KLHDC8A: variants seen among roughly 807,000 people sequenced by gnomAD.
The protein encoded by KLHDC8A is kelch domain-containing protein 8A.
Under a neutral mutation model 33.1 loss-of-function variants are expected in KLHDC8A, and 21 were observed. The ratio of observed to expected loss-of-function variants is 0.64; its 90% CI spans 0.45 to 0.91. The LOEUF is 0.91. KLHDC8A is among the 40% of genes least tolerant of loss of function. The pLI, the probability that KLHDC8A is intolerant of heterozygous loss-of-function variation, is 0.00. For missense variants in KLHDC8A, 435 were observed against 483.3 expected (o/e 0.90, Z 0.94); for synonymous variants, 173 against 193.5 (o/e 0.89, Z 0.88).
intron 5 of KLHDC8A, among the ~76,000 whole-genome samples, chr1:205,338,082 T>G (rs1662683801): frequency 6.6e-6 from 1 of 152,180 alleles, no homozygotes; most frequent in Non-Finnish European, 1.5e-5. Context: ...AAACCCAAGA[T>G]TCATCTGTTG....
At chr1:205,356,164 A>T (rs987718551) in intron 1 of KLHDC8A, among the ~76,000 whole-genome samples, 1 of 135,328 alleles carries the variant, frequency 7.4e-6, no homozygotes, top group African/African-American at 2.8e-5. Flanking sequence ...TTTACCTCCC[A>T]CGTTTGTAAG....
In KLHDC8A at chr1:205,343,773, C is replaced by G. The variant is rs921207158; in HGVS notation, c.-169G>C. The G allele has an allele frequency of 5.4e-6, 4 of 738,848 alleles. No individual in the cohort carries two copies. Among genetic ancestry groups the G allele is most frequent in the Non-Finnish European group, 6.2e-6 (3 of 480,776 alleles). The allele number at this position is 738,848 out of a possible 1,614,324, so 45.8% of individuals were successfully genotyped here. A position where few individuals can be genotyped will look rare whatever the true frequency, so the allele number is the denominator to read the frequency against. ...CACCGTGCCCCGAGTCTCAGCGGTC[C>G]GGCGGCGTCCACGCCTGGCCCTGCG... On this transcript the variant is annotated 5_prime_UTR_variant, in exon 2 of 6. Coordinates refer to ENST00000367155, the MANE Select transcript of KLHDC8A (RefSeq NM_018203.3).
At chr1:205,338,425 A>G (rs1662693626) in intron 5 of KLHDC8A, 70 bp downstream of exon 5, 3 of 1,248,460 alleles carry the variant, frequency 2.4e-6, no homozygotes, top group African/African-American at 1.5e-5. Flanking sequence ...TTTCCTGCAT[A>G]TGCAAAGTGC....
chr1:205,356,428 C>T, intron 1 of KLHDC8A, 105 bp downstream of exon 1: 1 of 426,788 alleles, frequency 2.3e-6, no homozygotes, highest in Non-Finnish European at 4.8e-6. Flanking sequence ...AGCCTGTCTA[C>T]CTGGGCAGCC....
chr1:205,348,228 T>C (rs1161201966), intron 1 of KLHDC8A: 1 of 152,222 alleles, frequency 6.6e-6, no homozygotes, highest in Admixed American at 6.5e-5. Flanking sequence ...AGATTCTCAG[T>C]GTGGCAGGCC....
chr1:205,349,795 T>C (rs1363754774), intron 1 of KLHDC8A, among the ~76,000 whole-genome samples: 1 of 152,120 alleles, frequency 6.6e-6, no homozygotes, highest in Non-Finnish European at 1.5e-5. Flanking sequence ...CGGGCCATAC[T>C]AGAAAAACAC....
chr1:205,348,816 G>A (rs1179134877), intron 1 of KLHDC8A, among the ~76,000 whole-genome samples: 1 of 152,148 alleles, frequency 6.6e-6, no homozygotes, highest in Non-Finnish European at 1.5e-5. Context: ...CCCTCCTGTA[G>A]CCAATCACTT....
chr1:205,343,103 T>G, intron 2 of KLHDC8A, 126 bp downstream of exon 2: 1 of 1,347,502 alleles, frequency 7.4e-7, no homozygotes, highest in Non-Finnish European at 1.0e-6. Context: ...GCTGAACGCA[T>G]GGGGTCTGCA....
chr1:205,343,839 C>T lies in KLHDC8A; in HGVS notation c.-189-46G>A, dbSNP rs978558165. On this transcript the variant is annotated intron_variant, in intron 1 of 5. Transcript: ENST00000367155. ...ATCAAGGGCAGCTGGGGCCACGCGC[C>T]CTCCGGCGGGCAGCGGATGGGCTCC... 2.8e-5 allele frequency: 14 copies of T among 508,780 alleles called. 1 individual carries two copies. Among genetic ancestry groups the T allele is most frequent in the South Asian group, 2.1e-4 (7 of 33,690 alleles). The allele number at this position is 508,780 out of a possible 1,614,324, so 31.5% of individuals were successfully genotyped here.
At chr1:205,351,655 A>C (rs1027862127) in intron 1 of KLHDC8A, among the ~76,000 whole-genome samples, 8 of 150,600 alleles carry the variant, frequency 5.3e-5, no homozygotes, top group African/African-American at 1.9e-4. Context: ...GTAGTGGCTC[A>C]TGCCTGTAAT....
chr1:205,344,928 G>T (rs1345107294), intron 1 of KLHDC8A, among the ~76,000 whole-genome samples: 2 of 151,984 alleles, frequency 1.3e-5, no homozygotes, highest in Admixed American at 6.6e-5. Context: ...ACCCACCACC[G>T]CCACCATCAC....
intron 4 of KLHDC8A, 70 bp from the exon 5 acceptor site, chr1:205,338,666 T>C (rs772933238): frequency 3.9e-5 from 50 of 1,277,372 alleles, no homozygotes; most frequent in Admixed American, 1.2e-4. Flanking sequence ...CAAATGCAGA[T>C]TGTGGCCCAA....
At chr1:205,342,710 G>A (rs2102284323) in intron 2 of KLHDC8A, among the ~76,000 whole-genome samples, 1 of 152,328 alleles carries the variant, frequency 6.6e-6, no homozygotes. Context: ...TAGCAAAAGA[G>A]CTTTCGGAGC....
chr1:205,348,541 T>A (rs1481437514), intron 1 of KLHDC8A: 1 of 152,204 alleles, frequency 6.6e-6, no homozygotes. Flanking sequence ...ACCTCCTAGC[T>A]GTGTGATTAT....
At chr1:205,345,593 T>A (rs1314781474) in intron 1 of KLHDC8A, among the ~76,000 whole-genome samples, 2 of 150,778 alleles carry the variant, frequency 1.3e-5, no homozygotes, top group Non-Finnish European at 3.0e-5. Flanking sequence ...CAAAAAAAAT[T>A]AGCCAGGCAT....
rs146745758 is a variant in KLHDC8A, at chr1:205,353,226, T to G, written c.-190+3307A>C. Among the ~76,000 whole-genome samples, 1,381 of 152,266 alleles carry G rather than the reference T, an allele frequency of 9.1e-3. 23 individuals are homozygous for G. The highest frequency in any genetic ancestry group is 0.032 in the African/African-American group (1,317 of 41,550). ...TGAAATCTAAGAACAATTTTTACAT[T>G]TTTAAATGATTGGGGAAAAAAAATC... On this transcript the variant is annotated intron_variant, in intron 1 of 5. Coordinates refer to ENST00000367155, the MANE Select transcript of KLHDC8A (RefSeq NM_018203.3).
intron 1 of KLHDC8A, chr1:205,351,596 A>T: frequency 2.9e-6 from 1 of 348,580 alleles, no homozygotes; most frequent in Non-Finnish European, 4.9e-6. Context: ...AAACTTCTGT[A>T]ATAGTCAAAA....
At chr1:205,355,809 T>A (rs571327899) in intron 1 of KLHDC8A, among the ~76,000 whole-genome samples, 1 of 152,322 alleles carries the variant, frequency 6.6e-6, no homozygotes, top group Non-Finnish European at 1.5e-5. Context: ...ATGTAGATAT[T>A]CTTTCTTACC....
chr1:205,346,380 G>A (rs747014156), intron 1 of KLHDC8A, among the ~76,000 whole-genome samples: 5 of 152,152 alleles, frequency 3.3e-5, no homozygotes, highest in African/African-American at 9.7e-5. Context: ...CCTTAAAAGC[G>A]CTTGTTGGAG....
Sources: allele counts gnomAD v4.1 joint callset (sites outside exome capture counted in the v4.1 genomes callset), GRCh38; gene constraint gnomAD v4.1.1; transcripts MANE v1.5; gene names NCBI Gene and HGNC (gene_info 2026-07-23, HGNC 2026-07-21).